PLIN3: variants seen among roughly 807,000 people sequenced by gnomAD.
PLIN3 encodes the protein perilipin-3.
In PLIN3, 30 loss-of-function variants were observed where a neutral mutation model predicts 35.9. The ratio of observed to expected loss-of-function variants is 0.84; its 90% CI spans 0.62 to 1.13. The LOEUF (loss-of-function observed/expected upper bound fraction) is 1.13. PLIN3 is among the 50% of genes most tolerant of loss of function. The pLI is 0.00. For synonymous variants in PLIN3, 261 were observed against 262.5 expected, an observed-to-expected ratio of 0.99 and a Z score of 0.06; for missense variants, 603 against 596.9, an observed-to-expected ratio of 1.01 and a Z score of -0.11.
At chr19:4,845,260 T>C (rs1029363652) in intron 6 of PLIN3, among the ~76,000 whole-genome samples, 1 of 151,996 alleles carries the variant, frequency 6.6e-6, no homozygotes, top group Non-Finnish European at 1.5e-5. Flanking sequence ...ACCCCGTCTC[T>C]ACTAAAAATA....
chr19:4,854,480 C>T (rs544146003), intron 4 of PLIN3, among the ~76,000 whole-genome samples: 246 of 151,960 alleles, frequency 1.6e-3, no homozygotes, highest in African/African-American at 5.6e-3. Context: ...CTCGGCTCAC[C>T]GCAACCTCCA....
rs142176064 is a variant in PLIN3, at chr19:4,853,514, C to T, written c.349-1213G>A. On this transcript the variant is annotated intron_variant, in intron 4 of 7. Transcript: ENST00000221957. The stretch of plus-strand genomic sequence containing the variant: ...CCGATTTTTGTATTTTTAGTAGAGA[C>T]GGGTTTCACCATGTTGGCCAGGCTG... Among the ~76,000 whole-genome samples the T allele has an allele frequency of 2.2e-3, 328 of 151,660 alleles. 1 individual carries two copies. Among genetic ancestry groups the T allele is most frequent in the Non-Finnish European group, 3.6e-3 (246 of 67,882 alleles).
chr19:4,850,049 C>G (rs182846989), intron 5 of PLIN3, among the ~76,000 whole-genome samples: 2 of 151,156 alleles, frequency 1.3e-5, no homozygotes, highest in African/African-American at 4.9e-5. Context: ...AGATTCAAGC[C>G]ATTCTCTTGC....
chr19:4,839,114 GA>G lies in PLIN3; in HGVS notation c.*77del. ...GGAGGAGTGGCTAGAAAATAAGTTT[GA>G]AATGAGCCCCGGGTTGAGGACTCCA... On this transcript the variant is annotated 3_prime_UTR_variant, in exon 8 of 8. Coordinates refer to ENST00000221957, the MANE Select transcript of PLIN3 (RefSeq NM_005817.5). 10 of 1,209,792 alleles carry G rather than the reference GA, an allele frequency of 8.3e-6. No homozygotes were observed. Among genetic ancestry groups the G allele is most frequent in the Non-Finnish European group, 1.0e-5 (9 of 860,286 alleles). The allele number at this position is 1,209,792 out of a possible 1,614,324, so 74.9% of individuals were successfully genotyped here.
chr19:4,864,741 C>A (rs754467776), intron 1 of PLIN3, among the ~76,000 whole-genome samples: 20 of 152,082 alleles, frequency 1.3e-4, no homozygotes, highest in Admixed American at 1.3e-4. Flanking sequence ...CGGGATGAAG[C>A]CACAACTCCC....
At chr19:4,847,610 A>G in intron 6 of PLIN3, 81 bp downstream of exon 6, 1 of 1,201,708 alleles carries the variant, frequency 8.3e-7, no homozygotes, top group Non-Finnish European at 1.2e-6. Context: ...AGGGGTGAGC[A>G]ATAAGCCACT....
At chr19:4,859,696 A>T in intron 3 of PLIN3, 24 bp from the exon 4 acceptor site, 4 of 1,612,538 alleles carry the variant, frequency 2.5e-6, no homozygotes, top group Non-Finnish European at 3.4e-6. Flanking sequence ...TTAAGACGCA[A>T]ATGTGACTGC....
intron 1 of PLIN3, among the ~76,000 whole-genome samples, chr19:4,862,031 T>C (rs901089204): frequency 2.6e-5 from 4 of 151,234 alleles, no homozygotes; most frequent in African/African-American, 7.3e-5. Flanking sequence ...CTCTAACTCC[T>C]GGGCTTAAGG....
At chr19:4,863,827 C>CAAA (rs766592535) in intron 1 of PLIN3, among the ~76,000 whole-genome samples, 1 of 116,884 alleles carries the variant, frequency 8.6e-6, no homozygotes, top group Non-Finnish European at 1.7e-5. Flanking sequence ...GACTCCATCT[C>CAAA]AAAAAAAAAA....
chr19:4,850,055 C>G (rs2030234122), intron 5 of PLIN3, among the ~76,000 whole-genome samples: 1 of 151,636 alleles, frequency 6.6e-6, no homozygotes, highest in East Asian at 2.0e-4. Context: ...AAGCCATTCT[C>G]TTGCCTCAGC....
At chr19:4,853,709 A>G (rs923662546) in intron 4 of PLIN3, among the ~76,000 whole-genome samples, 1 of 151,812 alleles carries the variant, frequency 6.6e-6, no homozygotes, top group African/African-American at 2.4e-5. Context: ...ACTACTCAAG[A>G]GGCTGAGGCG....
At chr19:4,845,674 C>A (rs144868544) in intron 6 of PLIN3, among the ~76,000 whole-genome samples, 32 of 152,218 alleles carry the variant, frequency 2.1e-4, no homozygotes, top group African/African-American at 7.7e-4. Flanking sequence ...CCTGTAATCC[C>A]AGCACTTTGG....
chr19:4,848,091 A>C (rs1456128150), intron 5 of PLIN3, among the ~76,000 whole-genome samples: 1 of 151,980 alleles, frequency 6.6e-6, no homozygotes, highest in East Asian at 1.9e-4. Flanking sequence ...TCAAGTGATT[A>C]TCCTGCCTCA....
intron 7 of PLIN3, among the ~76,000 whole-genome samples, chr19:4,840,092 C>T (rs1022869579): frequency 8.6e-5 from 13 of 151,450 alleles, no homozygotes; most frequent in African/African-American, 2.9e-4. Flanking sequence ...CTCAGCCTCC[C>T]GAATAGCTAG....
chr19:4,840,706 C>G (rs2029878919), intron 7 of PLIN3, among the ~76,000 whole-genome samples: 1 of 152,194 alleles, frequency 6.6e-6, no homozygotes, highest in South Asian at 2.1e-4. Flanking sequence ...AATCCCAGCA[C>G]TTTGGGAGGC....
chr19:4,854,324 C>T (rs2047110961), intron 4 of PLIN3, among the ~76,000 whole-genome samples: 1 of 152,104 alleles, frequency 6.6e-6, no homozygotes, highest in South Asian at 2.1e-4. Context: ...TTGGTGCTTC[C>T]CTGAAGACTC....
chr19:4,852,073 GCACCGTGTCGACCCCACTCAA>G lies in PLIN3; in HGVS notation c.556_576del (p.Ser187_Leu193del), dbSNP rs778993073. The stretch of plus-strand genomic sequence containing the variant: ...TCCGCCCACTCCTCCGACTTCCCCA[GCACCGTGTCGACCCCACTCAA>G]CACCATCTGGCCCAAGCGGGAGCCC... On this transcript the variant is annotated inframe_deletion, in exon 5 of 8. Transcript: ENST00000221957. The G allele has an allele frequency of 6.2e-7, 1 of 1,613,986 alleles. No homozygotes were observed. The highest frequency in any genetic ancestry group is 1.7e-5 in the Admixed American group (1 of 59,998).
intron 4 of PLIN3, among the ~76,000 whole-genome samples, chr19:4,855,067 T>C (rs1449742654): frequency 2.6e-5 from 4 of 151,558 alleles, no homozygotes; most frequent in Admixed American, 2.0e-4. Context: ...CTGGCCAACA[T>C]GGTGAAACCC....
At chr19:4,865,479 A>T (rs1449598480) in intron 1 of PLIN3, among the ~76,000 whole-genome samples, 1 of 143,898 alleles carries the variant, frequency 6.9e-6, no homozygotes, top group Non-Finnish European at 1.5e-5. Context: ...ACAGAGGGAG[A>T]CTCCGTTTCA....
Sources: allele counts gnomAD v4.1 joint callset (sites outside exome capture counted in the v4.1 genomes callset), GRCh38; gene constraint gnomAD v4.1.1; transcripts MANE v1.5; gene names NCBI Gene and HGNC (gene_info 2026-07-23, HGNC 2026-07-21).